Variants in UTP6 observed in about 807,000 individuals in gnomAD.
The protein encoded by UTP6 is UTP6 small subunit processome component, also known as U3 small nucleolar RNA-associated protein 6 homolog.
Under a neutral mutation model 96.5 loss-of-function variants are expected in UTP6, and 60 were observed. The ratio of observed to expected loss-of-function variants is 0.62; its 90% confidence interval spans 0.51 to 0.77. UTP6 has a LOEUF of 0.77. UTP6 is among the 30% of genes least tolerant of loss of function. UTP6 has a pLI of 0.00. For missense variants in UTP6, 637 were observed against 706.5 expected, an observed-to-expected ratio of 0.90 and a Z score of 1.12; for synonymous variants, 215 against 240.1, an observed-to-expected ratio of 0.90 and a Z score of 0.96.
chr17:31,886,882 TA>T (rs1911175908), intron 8 of UTP6, among the ~76,000 whole-genome samples: 1 of 152,208 alleles, frequency 6.6e-6, no homozygotes, highest in African/African-American at 2.4e-5. Flanking sequence ...TAAAGAATAG[TA>T]TTTGGCTATT....
chr17:31,888,570 G>A (rs1424858721), intron 7 of UTP6, among the ~76,000 whole-genome samples: 2 of 152,024 alleles, frequency 1.3e-5, no homozygotes, highest in East Asian at 1.9e-4. Context: ...TTAGCCGGAC[G>A]TGGGATCCCA....
intron 13 of UTP6, among the ~76,000 whole-genome samples, chr17:31,877,589 T>C (rs1910567780): frequency 6.6e-6 from 1 of 152,144 alleles, no homozygotes; most frequent in Admixed American, 6.6e-5. Flanking sequence ...CTCAGCACTT[T>C]GGGAGGCTGA....
At chr17:31,867,963 A>G (rs1909921842) in intron 17 of UTP6, 83 bp downstream of exon 17, 1 of 1,446,178 alleles carries the variant, frequency 6.9e-7, no homozygotes, top group Non-Finnish European at 9.5e-7. Context: ...CTCAAAAAAA[A>G]CAAAAAAACA....
chr17:31,867,415 G>A (rs1045550601), intron 17 of UTP6, among the ~76,000 whole-genome samples: 2 of 151,812 alleles, frequency 1.3e-5, no homozygotes, highest in African/African-American at 4.8e-5. Flanking sequence ...GGGTGTGGCA[G>A]GAGAAGCACT....
In UTP6 at chr17:31,898,278, TG is replaced by T. The variant is rs1904772215; in HGVS notation, c.177+1367del. On this transcript the variant is annotated intron_variant, in intron 2 of 18. Coordinates refer to ENST00000261708, the MANE Select transcript of UTP6 (RefSeq NM_018428.3). ...TTGGCCGGGCGTGGTGGCTCATGCC[TG>T]TAATTCCAGCACTTTGGGAGGCCGA... 6.6e-5 allele frequency among the ~76,000 whole-genome samples: 10 copies of T among 152,298 alleles called. No homozygotes were observed. In the South Asian group the frequency reaches 2.1e-3, roughly 32 times the overall value.
rs1910426442 is a variant in UTP6, at chr17:31,875,230, T to G, written c.1305+4A>C. 6.2e-7 allele frequency: 1 copy of G among 1,613,466 alleles called. No homozygotes were observed. Among genetic ancestry groups the G allele is most frequent in the Non-Finnish European group, 8.5e-7 (1 of 1,179,836 alleles). ...AATGAATACAAAAGATCCAGCTCAC[T>G]GACCTGGGGTTTCAGGTGCACAAAG... On this transcript the variant is annotated splice_donor_region_variant and intron_variant, in intron 14 of 18. Transcript: ENST00000261708.
chr17:31,899,673 G>C lies in UTP6; in HGVS notation c.150C>G (p.Phe50Leu). Residue 50 changes from phenylalanine to leucine, a missense_variant, in exon 2 of 19, where the codon TTC becomes TTG. By Grantham distance (22) the Phe-to-Leu change is conservative. Coordinates refer to ENST00000261708, the MANE Select transcript of UTP6 (RefSeq NM_018428.3). Reference protein sequence around the residue: ...LEYKIQRRTLFKEDFINYVQY... With the variant: ...LEYKIQRRTLLKEDFINYVQY... The stretch of plus-strand genomic sequence containing the variant: ...GAACATAATTGATAAAGTCTTCCTT[G>C]AAAAGGGTTCTTCTCTGGATTTTGT... The C allele has an allele frequency of 6.2e-7, 1 of 1,605,252 alleles. No individual in the cohort carries two copies. The highest frequency in any genetic ancestry group is 8.5e-7 in the Non-Finnish European group (1 of 1,176,458).
rs375037352 is a variant in UTP6 at position 31,897,559 on chromosome 17, C to T, written c.177+2087G>A. 1.2e-3 allele frequency among the ~76,000 whole-genome samples: 188 copies of T among 151,488 alleles called. 1 individual carries two copies. Among genetic ancestry groups the T allele is most frequent in the African/African-American group, 4.1e-3 (171 of 41,298 alleles). On this transcript the variant is annotated intron_variant, in intron 2 of 18. Transcript: ENST00000261708. ...CACCTCCTGGGTTCAAGCAATTCTC[C>T]TGCCTCAGCCCCTGAGTAGCTAGGA...
chr17:31,895,706 G>T (rs191939862), intron 2 of UTP6, among the ~76,000 whole-genome samples: 45 of 151,938 alleles, frequency 3.0e-4, no homozygotes, highest in Non-Finnish European at 4.4e-5. Flanking sequence ...GCTAATTTTT[G>T]TATTTTTAGT....
chr17:31,876,253 T>C (rs1028322067), intron 13 of UTP6, among the ~76,000 whole-genome samples: 7 of 151,788 alleles, frequency 4.6e-5, no homozygotes, highest in African/African-American at 1.7e-4. Flanking sequence ...GCCAGGCTGG[T>C]CTTAAACTCC....
At chr17:31,875,115 T>C (rs1468599734) in intron 14 of UTP6, 119 bp downstream of exon 14, 1 of 1,186,314 alleles carries the variant, frequency 8.4e-7, no homozygotes, top group Non-Finnish European at 1.2e-6. Flanking sequence ...CCATCACCAC[T>C]GAATAGCAAA....
At chr17:31,876,733 T>G (rs1248548407) in intron 13 of UTP6, among the ~76,000 whole-genome samples, 1 of 146,808 alleles carries the variant, frequency 6.8e-6, no homozygotes, top group Non-Finnish European at 1.5e-5. Context: ...ACAAATAGGC[T>G]GCGCTCAGTG....
intron 10 of UTP6, among the ~76,000 whole-genome samples, chr17:31,884,101 C>T (rs1911001722): frequency 6.7e-6 from 1 of 150,206 alleles, no homozygotes; most frequent in Non-Finnish European, 1.5e-5. Context: ...CAGGTTCAAG[C>T]GAGTCTCCTG....
intron 9 of UTP6, 27 bp from the exon 10 acceptor site, chr17:31,884,532 A>C (rs548974156): frequency 6.4e-5 from 100 of 1,563,270 alleles, no homozygotes; most frequent in Non-Finnish European, 8.4e-5. Flanking sequence ...GGGGAGGGGA[A>C]GTTTATTGCC....
intron 18 of UTP6, among the ~76,000 whole-genome samples, chr17:31,864,022 G>GT (rs1015918554): frequency 6.6e-6 from 1 of 151,150 alleles, no homozygotes. Context: ...TTTGTTTTTT[G>GT]TTTTTTTTCC....
At chr17:31,864,561 C>T (rs556953022) in intron 18 of UTP6, among the ~76,000 whole-genome samples, 1 of 152,264 alleles carries the variant, frequency 6.6e-6, no homozygotes, top group South Asian at 2.1e-4. Flanking sequence ...TCATGTAACT[C>T]TAAATACATT....
At chr17:31,869,073 T>TGC (rs1285411697) in intron 16 of UTP6, among the ~76,000 whole-genome samples, 3 of 152,122 alleles carry the variant, frequency 2.0e-5, no homozygotes. Context: ...ATCAAGCCAC[T>TGC]GCACTCCAAC....
rs753530970 is a variant in UTP6 at position 31,901,604 on chromosome 17, G to A, written c.24C>T (p.Arg8=). 6.2e-7 allele frequency: 1 copy of A among 1,613,934 alleles called. No individual in the cohort carries two copies. The highest frequency in any genetic ancestry group is 1.1e-5 in the South Asian group (1 of 91,068). MAEIIQE[R]IEDRLPELEQ... is the part of the protein sequence containing the mutation. ...CCAATTCCGGGAGCCGATCTTCTATGCGTTCCTGAATTATCTCTGCCATGA... is the reference window on the plus strand; with the variant it reads ...CCAATTCCGGGAGCCGATCTTCTATACGTTCCTGAATTATCTCTGCCATGA... The change falls in exon 1 of 19, where the codon CGC becomes CGT. Residue 8 remains arginine, a synonymous_variant. Coordinates refer to ENST00000261708, the MANE Select transcript of UTP6 (RefSeq NM_018428.3).
intron 10 of UTP6, among the ~76,000 whole-genome samples, chr17:31,883,815 C>T (rs1018797850): frequency 1.3e-5 from 2 of 151,330 alleles, no homozygotes; most frequent in South Asian, 2.1e-4. Flanking sequence ...TAGGTAGGAC[C>T]ACAGGCATGC....
Sources: allele counts gnomAD v4.1 joint callset (sites outside exome capture counted in the v4.1 genomes callset), GRCh38; gene constraint gnomAD v4.1.1; transcripts MANE v1.5; gene names NCBI Gene and HGNC (gene_info 2026-07-23, HGNC 2026-07-21).